The following CTBP2 variants were observed in gnomAD, a reference collection of about 807,000 sequenced individuals.
CTBP2 encodes C-terminal binding protein 2.
Under a neutral mutation model 80.3 loss-of-function variants are expected in CTBP2, and 30 were observed. That is an observed-to-expected ratio of 0.37 (90% CI 0.28 to 0.51). The LOEUF (loss-of-function observed/expected upper bound fraction) is 0.51. Among genes scored for constraint, CTBP2 ranks in the 20% least tolerant of loss-of-function variants. The pLI is 0.93. For missense variants in CTBP2, 1,212 were observed against 1,375.3 expected (o/e 0.88, Z 1.88); for synonymous variants, 594 against 587.4 (o/e 1.01, Z -0.16).
At chr10:125,107,702 T>G (rs1410839470) in intron 2 of CTBP2, among the ~76,000 whole-genome samples, 2 of 152,164 alleles carry the variant, frequency 1.3e-5, no homozygotes, top group Non-Finnish European at 2.9e-5. Context: ...CCAAGCACAC[T>G]GAGTTTCCAG....
At chr10:125,020,763 C>T (rs1476538638) in intron 1 of CTBP2, among the ~76,000 whole-genome samples, 1 of 152,224 alleles carries the variant, frequency 6.6e-6, no homozygotes, top group Non-Finnish European at 1.5e-5. Flanking sequence ...CGACCCCAGC[C>T]AGCTGACACC....
chr10:125,153,595 C>A (rs1860393255), intron 1 of CTBP2, among the ~76,000 whole-genome samples: 1 of 152,202 alleles, frequency 6.6e-6, no homozygotes, highest in Non-Finnish European at 1.5e-5. Context: ...CCTCTCCACC[C>A]TCCCGCTGCC....
At chr10:125,021,420 T>C (rs1203323794) in intron 1 of CTBP2, among the ~76,000 whole-genome samples, 1 of 152,178 alleles carries the variant, frequency 6.6e-6, no homozygotes, top group East Asian at 1.9e-4. Flanking sequence ...GCTGAAATCA[T>C]ATTCCTGGGG....
At chr10:125,045,409 A>G (rs2949371) in intron 2 of CTBP2, among the ~76,000 whole-genome samples, 91,989 of 152,050 alleles carry the variant, frequency 0.6, 28,819 homozygotes, top group African/African-American at 0.76. Context: ...TGTTTTTGGG[A>G]ATTAAGAGGG....
chr10:125,156,035 G>A (rs1860859805), intron 1 of CTBP2, among the ~76,000 whole-genome samples: 1 of 152,088 alleles, frequency 6.6e-6, no homozygotes, highest in African/African-American at 2.4e-5. Flanking sequence ...CACCACATGG[G>A]TCACTTCCAT....
intron 1 of CTBP2, among the ~76,000 whole-genome samples, chr10:125,115,993 A>C (rs897391220): frequency 6.6e-6 from 1 of 152,148 alleles, no homozygotes; most frequent in African/African-American, 2.4e-5. Flanking sequence ...ACTAGATGCA[A>C]CATCAACTAT....
chr10:125,005,882 C>T (rs549949717), intron 1 of CTBP2: 102 of 1,536,834 alleles, frequency 6.6e-5, no homozygotes, highest in East Asian at 3.4e-4. Flanking sequence ...GGATGGTTAT[C>T]GGAGAGAGTG....
At chr10:125,058,722 C>T (rs1375258690) in intron 2 of CTBP2, among the ~76,000 whole-genome samples, 2 of 152,206 alleles carry the variant, frequency 1.3e-5, no homozygotes, top group South Asian at 2.1e-4. Flanking sequence ...TGACGAAACC[C>T]GTCTCTACTA....
At position 125,080,796 on chromosome 10, in the gene CTBP2, G is replaced by C. The variant is rs866703894; in HGVS notation, c.-102+30194C>G. On this transcript the variant is annotated intron_variant, in intron 2 of 10. Coordinates refer to the CTBP2 transcript ENST00000337195. ...CAGGAGCTCTTCTGACCTGATAGGA[G>C]TCTCTGAACTCAACTCAGGGTCACA... Among the ~76,000 whole-genome samples the C allele has an allele frequency of 1.4e-3, 219 of 152,248 alleles. 2 individuals are homozygous for C. The highest frequency in any genetic ancestry group is 5.0e-3 in the African/African-American group (209 of 41,552).
intron 1 of CTBP2, among the ~76,000 whole-genome samples, chr10:125,010,109 C>A (rs1234861746): frequency 6.6e-6 from 1 of 150,832 alleles, no homozygotes; most frequent in Non-Finnish European, 1.5e-5. Flanking sequence ...CTGCCTTTCA[C>A]GAGAAGGACC....
intron 1 of CTBP2, among the ~76,000 whole-genome samples, chr10:125,134,518 T>A (rs991559172): frequency 6.6e-6 from 1 of 152,202 alleles, no homozygotes; most frequent in East Asian, 1.9e-4. Flanking sequence ...GGGACCATAA[T>A]CCTACCGCTC....
At chr10:125,036,222 C>A (rs942722905) in intron 3 of CTBP2, among the ~76,000 whole-genome samples, 5 of 152,096 alleles carry the variant, frequency 3.3e-5, no homozygotes, top group African/African-American at 1.2e-4. Flanking sequence ...GCTGGACAGG[C>A]CTTAGAAAAC....
At chr10:125,126,923 ATTCTCT>A (rs1564984001) in intron 1 of CTBP2, among the ~76,000 whole-genome samples, 500 of 132,748 alleles carry the variant, frequency 3.8e-3, no homozygotes, top group African/African-American at 0.014. Context: ...ACACACACAC[ATTCTCT>A]CTCTCTCTCT....
At chr10:125,098,683 AG>A (rs1172087128) in intron 2 of CTBP2, among the ~76,000 whole-genome samples, 15 of 141,242 alleles carry the variant, frequency 1.1e-4, no homozygotes, top group African/African-American at 3.6e-4. Flanking sequence ...AGAGAGAGAG[AG>A]AGAGAGAGAG....
chr10:125,153,715 A>G (rs900045199), intron 1 of CTBP2, among the ~76,000 whole-genome samples: 9 of 152,352 alleles, frequency 5.9e-5, no homozygotes, highest in African/African-American at 2.2e-4. Flanking sequence ...AGATTTTTAA[A>G]TTCCATCTTG....
intron 1 of CTBP2, among the ~76,000 whole-genome samples, chr10:125,015,673 G>C (rs1055338992): frequency 6.6e-6 from 1 of 152,238 alleles, no homozygotes; most frequent in African/African-American, 2.4e-5. Context: ...CGCCTCGCCC[G>C]CCCGCTGTGT....
Position 125,028,032 on chromosome 10 carries a change from TC to T in CTBP2, c.-274del. 1 of 781,238 alleles carries T rather than the reference TC, an allele frequency of 1.3e-6. No homozygotes were observed. The highest frequency in any genetic ancestry group is 1.7e-6 in the Non-Finnish European group (1 of 581,284). 48.4% of individuals were successfully genotyped at this position (781,238 alleles called of 1,614,324 possible). On this transcript the variant is annotated 5_prime_UTR_variant, in exon 1 of 9. Coordinates refer to ENST00000309035, the MANE Select transcript of CTBP2 (RefSeq NM_022802.3). ...CAGCTCAGTCCCGGAGAGGAGGCTGTCCCCAGCCTGCCAGGTCCCCCTTCCT... is the reference window on the plus strand; with the variant it reads ...CAGCTCAGTCCCGGAGAGGAGGCTGTCCCAGCCTGCCAGGTCCCCCTTCCT...
chr10:124,987,222 T>C lies in CTBP2; in HGVS notation c.*2296A>G, dbSNP rs1328464993. ...AATATAGTCCTTTTTCAAAGATGAT[T>C]ATACGTGGCTAGGTGACAGACATTA... On this transcript the variant is annotated 3_prime_UTR_variant, in exon 9 of 9. Transcript: ENST00000309035. The C allele has an allele frequency of 4.6e-5, 7 of 152,700 alleles. No individual in the cohort carries two copies. The highest frequency in any genetic ancestry group is 1.4e-4 in the African/African-American group (6 of 41,548). The allele number at this position is 152,700 out of a possible 1,614,324, so 9.5% of individuals were successfully genotyped here.
In CTBP2 at chr10:125,107,499, G is replaced by T. The variant is rs190520040; in HGVS notation, c.-102+3491C>A. On this transcript the variant is annotated intron_variant, in intron 2 of 10. Coordinates refer to the CTBP2 transcript ENST00000337195. ...TTGACAATCGGACCCCAAGGTTTAG[G>T]TATGTGTTTCCAGAGTAATTCAATA... Among the ~76,000 whole-genome samples, 637 of 152,360 alleles carry T rather than the reference G, an allele frequency of 4.2e-3. 6 individuals are homozygous for T. Among genetic ancestry groups the T allele is most frequent in the African/African-American group, 0.015 (610 of 41,578 alleles).
Sources: allele counts gnomAD v4.1 joint callset (sites outside exome capture counted in the v4.1 genomes callset), GRCh38; gene constraint gnomAD v4.1.1; transcripts MANE v1.5; gene names NCBI Gene and HGNC (gene_info 2026-07-23, HGNC 2026-07-21).